TACC2: variants seen among roughly 807,000 people sequenced by gnomAD.
TACC2 encodes the protein transforming acidic coiled-coil containing protein 2.
In TACC2, 137 loss-of-function variants were observed where a neutral mutation model predicts 227.3. The ratio of observed to expected loss-of-function variants is 0.60; its 90% CI spans 0.52 to 0.69. The LOEUF (loss-of-function observed/expected upper bound fraction) is 0.69, where lower values mean the gene tolerates loss of function less well. Among genes scored for constraint, TACC2 ranks in the 30% least tolerant of loss-of-function variants. The pLI, the probability that TACC2 is intolerant of heterozygous loss-of-function variation, is 0.00. For missense variants in TACC2, 3,470 were observed against 3,694.4 expected, an observed-to-expected ratio of 0.94 and a Z score of 1.57; for synonymous variants, 1,523 against 1,487.5, an observed-to-expected ratio of 1.02 and a Z score of -0.55.
At chr10:122,140,439 A>T (rs879634717) in intron 6 of TACC2, among the ~76,000 whole-genome samples, 1 of 152,258 alleles carries the variant, frequency 6.6e-6, no homozygotes, top group Non-Finnish European at 1.5e-5. Flanking sequence ...CTTCTTCGTT[A>T]TTCCAATAAG....
intron 8 of TACC2, among the ~76,000 whole-genome samples, chr10:122,196,234 C>T (rs1264161715): frequency 2.6e-5 from 4 of 152,296 alleles, no homozygotes; most frequent in South Asian, 2.1e-4. Context: ...TCTTTTTATC[C>T]GCCGTGGGTT....
At position 122,210,099 on chromosome 10, in the gene TACC2, G is replaced by T; in HGVS notation, c.5972-298G>T. The T allele has an allele frequency of 2.3e-6, 1 of 443,804 alleles. No individual in the cohort carries two copies. The highest frequency in any genetic ancestry group is 4.1e-6 in the Non-Finnish European group (1 of 243,256). The allele number at this position is 443,804 out of a possible 1,614,324, so 27.5% of individuals were successfully genotyped here. Reference sequence around the variant, plus strand: ...ATCTCTAGTACCTAGAACCATGTCTGGTCCTGATTAGGCACTTGGTGAATG... The same window carrying T: ...ATCTCTAGTACCTAGAACCATGTCTTGTCCTGATTAGGCACTTGGTGAATG... On this transcript the variant is annotated intron_variant, in intron 8 of 22. Coordinates refer to ENST00000369005, the MANE Select transcript of TACC2 (RefSeq NM_206862.4). The surrounding 1 kb of genome is among the most constrained non-coding windows in gnomAD (Gnocchi z 4.6).
At chr10:122,008,865 G>A (rs1402555674) in intron 1 of TACC2, among the ~76,000 whole-genome samples, 1 of 152,224 alleles carries the variant, frequency 6.6e-6, no homozygotes, top group Non-Finnish European at 1.5e-5. Context: ...GAGCCACCAT[G>A]CCCAGCCGTA....
chr10:122,152,511 T>G (rs900582393), intron 7 of TACC2, among the ~76,000 whole-genome samples: 1 of 152,238 alleles, frequency 6.6e-6, no homozygotes, highest in African/African-American at 2.4e-5. Context: ...GGCACGGACC[T>G]TCCCTTACTT....
At chr10:122,045,064 G>A (rs958472418) in intron 2 of TACC2, among the ~76,000 whole-genome samples, 6 of 152,170 alleles carry the variant, frequency 3.9e-5, no homozygotes, top group East Asian at 3.9e-4. Context: ...GGATTCAAAA[G>A]CACAGGGAAA....
chr10:122,224,892 G>A lies in TACC2; in HGVS notation c.7608+105G>A, dbSNP rs2095594742. ...TGGGAGCTCAGACCCCAAATCGAGT[G>A]TTTTCTGTGTACACAGCTTCCCGGG... On this transcript the variant is annotated intron_variant, in intron 12 of 22. Coordinates refer to ENST00000369005, the MANE Select transcript of TACC2 (RefSeq NM_206862.4). The A allele has an allele frequency of 6.5e-6, 6 of 927,558 alleles. No homozygotes were observed. The Admixed American group carries it at 8.2e-5, about 13-fold the overall frequency. 57.5% of individuals were successfully genotyped at this position (927,558 alleles called of 1,614,324 possible). A position where few individuals can be genotyped will look rare whatever the true frequency, so the allele number is the denominator to read the frequency against.
chr10:122,080,636 C>T (rs758199277), intron 3 of TACC2, among the ~76,000 whole-genome samples: 6 of 152,194 alleles, frequency 3.9e-5, no homozygotes, highest in African/African-American at 4.8e-5. Context: ...CCTCCAAATA[C>T]AGTCACATTG....
chr10:122,178,683 G>A (rs1448431487), intron 7 of TACC2, among the ~76,000 whole-genome samples: 1 of 152,110 alleles, frequency 6.6e-6, no homozygotes, highest in Non-Finnish European at 1.5e-5. Flanking sequence ...CAGGAATTTG[G>A]GACCAGTCTG....
At position 122,050,583 on chromosome 10, in the gene TACC2, C is replaced by A; in HGVS notation, c.146+33C>A. 1 of 1,539,068 alleles carries A rather than the reference C, an allele frequency of 6.5e-7. No individual in the cohort carries two copies. Among genetic ancestry groups the A allele is most frequent in the Non-Finnish European group, 9.0e-7 (1 of 1,113,608 alleles). On this transcript the variant is annotated intron_variant, in intron 3 of 22. Transcript: ENST00000369005. The surrounding 1 kb of genome is among the most constrained non-coding windows in gnomAD (Gnocchi z 4.6). ...GCCAGCTCTGGAGGACTGATGCAGC[C>A]CAAGGACTGCCCCGCTCATTGCCTG...
chr10:122,251,742 A>T (rs2096259269), intron 22 of TACC2, among the ~76,000 whole-genome samples: 3 of 152,186 alleles, frequency 2.0e-5, no homozygotes, highest in Admixed American at 2.0e-4. Context: ...CATACTTCAC[A>T]GTCATTTTGG....
rs1453644337 is a variant in TACC2, at chr10:122,087,500, G to T, written c.5000G>T (p.Gly1667Val). The change falls in exon 4 of 23, where the codon GGC becomes GTC. Residue 1667 changes from glycine (G) to valine (V), a missense_variant. By Grantham distance (109) the Gly-to-Val change is moderately radical. Coordinates refer to ENST00000369005, the MANE Select transcript of TACC2 (RefSeq NM_206862.4). ...GAAAGGAGACCCGGAGTCACTGCTG[G>T]CATCTTGGAAATGCGAAATGCCCTG... ...GGERRPGVTA[G>V]ILEMRNALGN... The T allele has an allele frequency of 6.2e-6, 10 of 1,613,854 alleles. No homozygotes were observed. In the African/African-American group the frequency reaches 1.3e-4, roughly 22 times the overall value.
intron 3 of TACC2, among the ~76,000 whole-genome samples, chr10:122,076,079 C>T (rs775525344): frequency 5.3e-5 from 8 of 152,140 alleles, no homozygotes; most frequent in Non-Finnish European, 8.8e-5. Context: ...GGATTACAGG[C>T]GTGAGCCACT....
chr10:122,034,390 G>A (rs11200357), intron 2 of TACC2, among the ~76,000 whole-genome samples: 23,074 of 152,036 alleles, frequency 0.15, 2,161 homozygotes, highest in Admixed American at 0.23. Flanking sequence ...AAGTAGGCTC[G>A]GAAGGATAAT....
At chr10:122,061,022 G>GA (rs2076748357) in intron 3 of TACC2, among the ~76,000 whole-genome samples, 1 of 18,920 alleles carries the variant, frequency 5.3e-5, no homozygotes, top group African/African-American at 8.8e-5. Flanking sequence ...AAAAAAAAGG[G>GA]GGGGGGGCCA....
intron 1 of TACC2, among the ~76,000 whole-genome samples, chr10:121,996,015 G>A (rs1953433449): frequency 1.3e-5 from 2 of 152,266 alleles, no homozygotes; most frequent in African/African-American, 2.4e-5. Flanking sequence ...GACTCCCAAA[G>A]TGTTGGGATT....
chr10:122,004,407 A>AGGCGGGGGGG (rs1173025870), intron 1 of TACC2, among the ~76,000 whole-genome samples: 1 of 152,052 alleles, frequency 6.6e-6, no homozygotes, highest in Non-Finnish European at 1.5e-5. Flanking sequence ...CAAAAAAAAA[A>AGGCGGGGGGG]AAAAAAATTA....
At chr10:122,235,790 C>T (rs1290617631) in intron 16 of TACC2, among the ~76,000 whole-genome samples, 2 of 152,180 alleles carry the variant, frequency 1.3e-5, no homozygotes, top group South Asian at 2.1e-4. Flanking sequence ...TCTGGTCAAG[C>T]GTCCTTAAAA....
chr10:122,118,404 T>C (rs1213477909), intron 5 of TACC2, among the ~76,000 whole-genome samples: 1 of 152,206 alleles, frequency 6.6e-6, no homozygotes, highest in Non-Finnish European at 1.5e-5. Context: ...TCCCAGGTTG[T>C]CTTGTGGTCA....
At chr10:122,073,845 T>C (rs1351933308) in intron 3 of TACC2, among the ~76,000 whole-genome samples, 1 of 152,138 alleles carries the variant, frequency 6.6e-6, no homozygotes, top group African/African-American at 2.4e-5. Flanking sequence ...AGTGGCGCAA[T>C]CTCGGCTTAC....
Sources: gnomAD v4.1 joint callset for allele counts (sites outside exome capture counted in the v4.1 genomes callset) on GRCh38, gnomAD v4.1.1 for gene constraint, Gnocchi (gnomAD v3.1) non-coding constraint, MANE v1.5 for transcripts, NCBI Gene and HGNC (gene_info 2026-07-23, HGNC 2026-07-21) for gene names.